Variants in VSNL1 observed in about 807,000 individuals in gnomAD.
VSNL1 encodes visinin like 1, also known as visinin-like protein 1.
In VSNL1, 6 loss-of-function variants were observed where a neutral mutation model predicts 20.4. The observed-to-expected ratio is 0.29, with a 90% CI of 0.16 to 0.58. The LOEUF (loss-of-function observed/expected upper bound fraction) is 0.58. Ranked by LOEUF, VSNL1 falls within the 20% of genes least tolerant of loss-of-function variation. The pLI is 0.90. For synonymous variants in VSNL1, 93 were observed against 86.4 expected (o/e 1.08, Z -0.42); for missense variants, 100 against 234.5 (o/e 0.43, Z 3.75).
intron 3 of VSNL1, among the ~76,000 whole-genome samples, chr2:17,651,962 G>A (rs1023340160): frequency 4.6e-5 from 7 of 152,160 alleles, no homozygotes; most frequent in Non-Finnish European, 7.3e-5. Context: ...TGATCTTTTC[G>A]AGGCAGTTTT....
chr2:17,644,919 A>C (rs1393375676), intron 2 of VSNL1, among the ~76,000 whole-genome samples: 2 of 152,248 alleles, frequency 1.3e-5, no homozygotes, highest in Non-Finnish European at 2.9e-5. Context: ...TTGTATATTC[A>C]TAGGCCAGGC....
chr2:17,601,343 A>G (rs1664815268), intron 2 of VSNL1, among the ~76,000 whole-genome samples: 1 of 152,228 alleles, frequency 6.6e-6, no homozygotes, highest in South Asian at 2.1e-4. Context: ...CAATAGAAGA[A>G]ATGTCAAAGC....
intron 1 of VSNL1, among the ~76,000 whole-genome samples, chr2:17,589,738 AG>A (rs1474655707): frequency 4.6e-5 from 7 of 152,250 alleles, no homozygotes; most frequent in African/African-American, 1.7e-4. Context: ...CCCATGGAGA[AG>A]CCAAGCTTCC....
At chr2:17,582,917 A>G (rs1235673968) in intron 1 of VSNL1, among the ~76,000 whole-genome samples, 1 of 152,090 alleles carries the variant, frequency 6.6e-6, no homozygotes. Context: ...TGAATAAATG[A>G]ATGAATTGAC....
chr2:17,587,910 G>C lies in VSNL1; in HGVS notation c.-5-4160G>C, dbSNP rs956523753. Among the ~76,000 whole-genome samples, 6 of 152,282 alleles carry C rather than the reference G, an allele frequency of 3.9e-5. No individual in the cohort carries two copies. The East Asian group carries it at 1.2e-3, about 29-fold the overall frequency. ...CAATGTTGTTGCACAAAAGCCTTTT[G>C]TAAATTAGTGTACAAAAGTGCCATC... is the stretch of plus-strand genomic sequence containing the variant. On this transcript the variant is annotated intron_variant, in intron 1 of 3. Coordinates refer to ENST00000295156, the MANE Select transcript of VSNL1 (RefSeq NM_003385.5).
chr2:17,540,303 A>T (rs1378140669), upstream of VSNL1: 1 of 152,456 alleles, frequency 6.6e-6, no homozygotes, highest in Non-Finnish European at 1.5e-5. Context: ...GCAGCGGGAA[A>T]AGCGGCTCCA....
chr2:17,567,186 C>A (rs1177424955), intron 1 of VSNL1, among the ~76,000 whole-genome samples: 1 of 151,950 alleles, frequency 6.6e-6, no homozygotes, highest in Non-Finnish European at 1.5e-5. Context: ...AGAACTGATG[C>A]ATTATAAGAT....
At chr2:17,542,469 G>A (rs1303429731) in intron 1 of VSNL1, among the ~76,000 whole-genome samples, 2 of 152,122 alleles carry the variant, frequency 1.3e-5, no homozygotes, top group African/African-American at 4.8e-5. Flanking sequence ...CCATCAAATA[G>A]GGCTCTTTGG....
At chr2:17,626,959 G>GC (rs1665524503) in intron 2 of VSNL1, among the ~76,000 whole-genome samples, 1 of 152,218 alleles carries the variant, frequency 6.6e-6, no homozygotes, top group South Asian at 2.1e-4. Context: ...GGGTGGGGTT[G>GC]CCCCAAGAAG....
In VSNL1 at chr2:17,592,213, G is replaced by A; in HGVS notation, c.139G>A (p.Glu47Lys). ...TCCAAGTGGGAGGCTAAATCTCGAG[G>A]AATTTCAGCAGCTCTATGTGAAGGT... ...DCPSGRLNLE[E>K]FQQLYVKFFP... Residue 47 changes from glutamate (E) to lysine (K), a missense_variant, in exon 2 of 4, where the codon GAA (glutamate) becomes AAA (lysine). Physicochemically the swap from Glu to Lys is moderately conservative, Grantham distance 56 (BLOSUM62 1). Transcript: ENST00000295156. 6.2e-7 allele frequency: 1 copy of A among 1,613,650 alleles called. No homozygotes were observed. The highest frequency in any genetic ancestry group is 8.5e-7 in the Non-Finnish European group (1 of 1,179,728).
intron 2 of VSNL1, among the ~76,000 whole-genome samples, chr2:17,612,090 A>T: frequency 6.6e-6 from 1 of 152,108 alleles, no homozygotes; most frequent in South Asian, 2.1e-4. Flanking sequence ...ACTCACACAC[A>T]TGCACGTGCC....
At chr2:17,646,481 C>G (rs192920406) in intron 2 of VSNL1, among the ~76,000 whole-genome samples, 1 of 152,310 alleles carries the variant, frequency 6.6e-6, no homozygotes, top group Admixed American at 6.5e-5. Context: ...TAGGCAAATG[C>G]CTTTGACCTT....
chr2:17,579,652 C>A (rs73220676), intron 1 of VSNL1, among the ~76,000 whole-genome samples: 4,465 of 152,274 alleles, frequency 0.029, 207 homozygotes, highest in African/African-American at 0.1. Context: ...CAGGAAAACA[C>A]TGGCAAAGCT....
chr2:17,635,529 C>T (rs534582381), intron 2 of VSNL1, among the ~76,000 whole-genome samples: 11 of 152,090 alleles, frequency 7.2e-5, no homozygotes, highest in African/African-American at 1.4e-4. Context: ...CATGTAGCGT[C>T]GAGGCAAAGA....
intron 1 of VSNL1, among the ~76,000 whole-genome samples, chr2:17,551,926 T>C (rs62130452): frequency 0.031 from 4,317 of 138,312 alleles, 64 homozygotes; most frequent in Middle Eastern, 0.06. Context: ...AGCCCAGGCG[T>C]GGTGGCTCAC....
At chr2:17,637,380 C>T (rs1416762482) in intron 2 of VSNL1, among the ~76,000 whole-genome samples, 1 of 152,214 alleles carries the variant, frequency 6.6e-6, no homozygotes, top group Admixed American at 6.5e-5. Context: ...TCTCCTCAGC[C>T]CCAGCTGGGC....
At chr2:17,636,398 A>G (rs1002352506) in intron 2 of VSNL1, among the ~76,000 whole-genome samples, 3 of 152,156 alleles carry the variant, frequency 2.0e-5, no homozygotes, top group African/African-American at 4.8e-5. Flanking sequence ...TGACCAGTGG[A>G]TGCTCACACC....
intron 1 of VSNL1, among the ~76,000 whole-genome samples, chr2:17,550,444 C>T (rs1663505955): frequency 6.6e-6 from 1 of 152,180 alleles, no homozygotes; most frequent in Admixed American, 6.5e-5. Context: ...CTTGAGCCCA[C>T]AGCCATTTCT....
intron 1 of VSNL1, among the ~76,000 whole-genome samples, chr2:17,551,483 C>G (rs1185385256): frequency 5.9e-5 from 9 of 152,148 alleles, no homozygotes; most frequent in Admixed American, 5.9e-4. Context: ...CATGATAGAG[C>G]ATGTTTGCAG....
Sources: gnomAD v4.1 joint callset for allele counts (sites outside exome capture counted in the v4.1 genomes callset) on GRCh38, gnomAD v4.1.1 for gene constraint, MANE v1.5 for transcripts, NCBI Gene and HGNC (gene_info 2026-07-23, HGNC 2026-07-21) for gene names.